The following TMEM273 variants were observed in gnomAD, a reference collection of about 807,000 sequenced individuals.
The protein encoded by TMEM273 is chromosome 10 open reading frame 128.
In TMEM273, 19 loss-of-function variants were observed where a neutral mutation model predicts 17.9. The ratio of observed to expected loss-of-function variants is 1.06; its 90% CI spans 0.74 to 1.55. TMEM273 has a LOEUF of 1.55. TMEM273 is among the 40% of genes most tolerant of loss of function. The pLI is 0.00. For missense variants in TMEM273, 194 were observed against 155.6 expected, an observed-to-expected ratio of 1.25 and a Z score of -1.31; for synonymous variants, 66 against 62.0, an observed-to-expected ratio of 1.07 and a Z score of -0.31.
At chr10:49,157,914 A>G (rs2804936) in intron 6 of TMEM273, among the ~76,000 whole-genome samples, 96,035 of 152,042 alleles carry the variant, frequency 0.63, 30,703 homozygotes, top group African/African-American at 0.71. Context: ...ACATAATATC[A>G]TAAAAACTCA....
At chr10:49,182,965 G>A (rs760399923) in intron 1 of TMEM273, among the ~76,000 whole-genome samples, 3 of 152,126 alleles carry the variant, frequency 2.0e-5, no homozygotes, top group African/African-American at 7.2e-5. Flanking sequence ...ACCCCAAGAT[G>A]AGGAATGTTC....
intron 1 of TMEM273, among the ~76,000 whole-genome samples, chr10:49,184,323 C>T (rs1467047971): frequency 2.6e-5 from 4 of 152,110 alleles, no homozygotes; most frequent in Admixed American, 6.5e-5. Context: ...GATTACATCA[C>T]GCTGAAAGAC....
chr10:49,176,535 T>C (rs1179262000), intron 1 of TMEM273, among the ~76,000 whole-genome samples: 1 of 152,194 alleles, frequency 6.6e-6, no homozygotes, highest in Non-Finnish European at 1.5e-5. Context: ...TGGTAAAGTA[T>C]TGTGGAAGAG....
intron 1 of TMEM273, 100 bp from the exon 2 acceptor site, chr10:49,168,062 CCAGGAG>C: frequency 4.2e-6 from 6 of 1,415,110 alleles, no homozygotes; most frequent in Non-Finnish European, 5.9e-6. Context: ...CATGTACCCA[CCAGGAG>C]CACAGAGGTG....
At chr10:49,181,629 C>G (rs1847345542) in intron 1 of TMEM273, among the ~76,000 whole-genome samples, 2 of 152,126 alleles carry the variant, frequency 1.3e-5, no homozygotes, top group African/African-American at 2.4e-5. Context: ...TTTCAACCAA[C>G]AGTGCTGGAC....
At chr10:49,168,665 G>A (rs1564631013) in intron 1 of TMEM273, among the ~76,000 whole-genome samples, 3 of 126,652 alleles carry the variant, frequency 2.4e-5, no homozygotes, top group African/African-American at 9.0e-5. Flanking sequence ...TGGAAGGAAG[G>A]AAGGAAGAAA....
intron 1 of TMEM273, among the ~76,000 whole-genome samples, chr10:49,187,284 T>C (rs552736410): frequency 2.0e-4 from 31 of 152,338 alleles, no homozygotes; most frequent in Admixed American, 1.2e-3. Context: ...TGTGGCTGGC[T>C]GTCTGTCTGA....
chr10:49,166,964 G>A lies in TMEM273; in HGVS notation c.143C>T (p.Ser48Phe). ...LIGTAVGVAI[S>F]AGFLALKICM... ...GATCTTCAGGGCCAGGAAGCCAGCA[G>A]ATATGGCGACACCCACAGCAGTCCC... Residue 48 changes from serine to phenylalanine, a missense_variant, in exon 3 of 7, where the codon TCT becomes TTT. Coordinates refer to ENST00000374153, the MANE Select transcript of TMEM273 (RefSeq NM_001288740.3). 6.2e-7 allele frequency: 1 copy of A among 1,614,174 alleles called. No homozygotes were observed. Among genetic ancestry groups the A allele is most frequent in the Non-Finnish European group, 8.5e-7 (1 of 1,180,016 alleles).
chr10:49,166,295 GGTGC>G (rs540367811), intron 3 of TMEM273: 96 of 199,534 alleles, frequency 4.8e-4, no homozygotes, highest in Non-Finnish European at 8.5e-4. Context: ...GCTGTGCCAT[GGTGC>G]ATGTCAGCCA....
chr10:49,156,864 T>A (rs1845543733), intron 6 of TMEM273, among the ~76,000 whole-genome samples: 1 of 152,030 alleles, frequency 6.6e-6, no homozygotes, highest in South Asian at 2.1e-4. Flanking sequence ...AAGAAAGACA[T>A]TGGAAACCAG....
chr10:49,171,044 A>G (rs1450221534), intron 1 of TMEM273, among the ~76,000 whole-genome samples: 3 of 152,218 alleles, frequency 2.0e-5, no homozygotes, highest in Non-Finnish European at 4.4e-5. Context: ...GAGGAAGCCC[A>G]CGAGGACCAG....
chr10:49,165,335 G>T, intron 4 of TMEM273, 52 bp from the exon 5 acceptor site: 1 of 1,550,320 alleles, frequency 6.5e-7, no homozygotes, highest in Non-Finnish European at 8.7e-7. Context: ...AGGTCCCAAG[G>T]CAGGACCGTC....
chr10:49,166,593 T>C lies in TMEM273; in HGVS notation c.238+276A>G, dbSNP rs181644854. On this transcript the variant is annotated intron_variant, in intron 3 of 6. Coordinates refer to ENST00000374153, the MANE Select transcript of TMEM273 (RefSeq NM_001288740.3). The stretch of plus-strand genomic sequence containing the variant: ...TGCCAAGAGCAACTGAAAGGAAAAG[T>C]ACAGAGGGAAAGAGACACAGAAAGA... The C allele has an allele frequency of 3.3e-4, 148 of 454,254 alleles. 1 individual carries two copies. The highest frequency in any genetic ancestry group is 1.1e-3 in the Admixed American group (31 of 28,536). 28.1% of individuals were successfully genotyped at this position (454,254 alleles called of 1,614,324 possible).
At chr10:49,157,662 G>A (rs766460396) in intron 6 of TMEM273, among the ~76,000 whole-genome samples, 6 of 152,178 alleles carry the variant, frequency 3.9e-5, no homozygotes, top group Non-Finnish European at 8.8e-5. Flanking sequence ...TTAAAACTCA[G>A]TAAAATAGGA....
intron 1 of TMEM273, among the ~76,000 whole-genome samples, chr10:49,175,719 C>A (rs531603235): frequency 3.9e-5 from 6 of 152,380 alleles, no homozygotes; most frequent in Admixed American, 3.9e-4. Flanking sequence ...AGGGCCCCCC[C>A]CACCTGGTGT....
At chr10:49,178,242 G>A (rs769958610) in intron 1 of TMEM273, 11 of 457,384 alleles carry the variant, frequency 2.4e-5, no homozygotes, top group East Asian at 6.9e-5. Flanking sequence ...CTTGCCCGGG[G>A]CCTCAGCAGA....
chr10:49,183,736 C>T (rs1847495812), intron 1 of TMEM273, among the ~76,000 whole-genome samples: 1 of 152,086 alleles, frequency 6.6e-6, no homozygotes, highest in Non-Finnish European at 1.5e-5. Flanking sequence ...AGAGTATCTG[C>T]CTTGGGGCTG....
At chr10:49,183,806 C>T (rs1847500557) in intron 1 of TMEM273, among the ~76,000 whole-genome samples, 1 of 152,110 alleles carries the variant, frequency 6.6e-6, no homozygotes, top group South Asian at 2.1e-4. Flanking sequence ...GGTCGGCTCT[C>T]AGGAAGTGAA....
At chr10:49,185,716 C>T (rs996625621) in intron 1 of TMEM273, among the ~76,000 whole-genome samples, 5 of 152,074 alleles carry the variant, frequency 3.3e-5, no homozygotes, top group Non-Finnish European at 2.9e-5. Flanking sequence ...CGGTGGCTCA[C>T]GCCTGTAATC....
Sources: allele counts gnomAD v4.1 joint callset (sites outside exome capture counted in the v4.1 genomes callset), GRCh38; gene constraint gnomAD v4.1.1; transcripts MANE v1.5; gene names NCBI Gene and HGNC (gene_info 2026-07-23, HGNC 2026-07-21).